ZNG1B: variants seen among roughly 807,000 people sequenced by gnomAD.
The protein encoded by ZNG1B is zinc-regulated GTPase metalloprotein activator 1B.
chr2:113,481,022 GA>G, the ZNG1B span, among the ~76,000 whole-genome samples: 3 of 150,502 alleles, frequency 2.0e-5, no homozygotes, highest in African/African-American at 7.3e-5. Flanking sequence ...GTATGATAGG[GA>G]AAAAATCGAG....
chr2:113,453,139 G>T, the ZNG1B span: 90 of 1,587,326 alleles, frequency 5.7e-5, no homozygotes, highest in Non-Finnish European at 7.4e-5. Flanking sequence ...ATATTTTCAG[G>T]TGCAGTGGCT....
At chr2:113,457,316 A>G in the ZNG1B span, 4 of 352,034 alleles carry the variant, frequency 1.1e-5, no homozygotes, top group African/African-American at 8.8e-5. Flanking sequence ...ATAGACTGAC[A>G]TTATGCAATA....
At chr2:113,450,175 A>G in the ZNG1B span, among the ~76,000 whole-genome samples, 1 of 150,708 alleles carries the variant, frequency 6.6e-6, no homozygotes, top group Non-Finnish European at 1.5e-5. Context: ...TCCCTAAATT[A>G]TAATATGCCC....
the ZNG1B span, among the ~76,000 whole-genome samples, chr2:113,442,831 C>T: frequency 6.6e-6 from 1 of 152,124 alleles, no homozygotes; most frequent in Admixed American, 6.6e-5. Context: ...TTTAGAACTT[C>T]ACCGTTTGGT....
At chr2:113,477,240 G>A in the ZNG1B span, among the ~76,000 whole-genome samples, 4 of 152,126 alleles carry the variant, frequency 2.6e-5, no homozygotes, top group African/African-American at 7.2e-5. Context: ...TTTTAAGCCC[G>A]TCGGAAAAGC....
At chr2:113,457,833 A>G in the ZNG1B span, among the ~76,000 whole-genome samples, 2 of 142,286 alleles carry the variant, frequency 1.4e-5, 1 homozygote, top group East Asian at 5.1e-4. Flanking sequence ...TACAGTCATC[A>G]TGCTGTAATT....
At chr2:113,463,338 A>G in the ZNG1B span, among the ~76,000 whole-genome samples, 6 of 152,124 alleles carry the variant, frequency 3.9e-5, no homozygotes, top group African/African-American at 1.4e-4. Context: ...TTTGAGCGTG[A>G]TGGCTCAAAA....
chr2:113,441,739 T>A, the ZNG1B span: 1 of 177,616 alleles, frequency 5.6e-6, no homozygotes, highest in Non-Finnish European at 1.2e-5. Flanking sequence ...GTTTATTTTT[T>A]ATTTTATTTT....
chr2:113,471,327 G>A, the ZNG1B span, among the ~76,000 whole-genome samples: 48,821 of 151,968 alleles, frequency 0.32, 8,421 homozygotes, highest in East Asian at 0.55. Context: ...GAGGCTAATC[G>A]TTAACACTTC....
At chr2:113,443,343 A>G in the ZNG1B span, among the ~76,000 whole-genome samples, 132 of 152,024 alleles carry the variant, frequency 8.7e-4, no homozygotes, top group African/African-American at 3.1e-3. Flanking sequence ...GAAACAATTT[A>G]GAAGAAGAAT....
the ZNG1B span, chr2:113,445,034 A>T: frequency 1.4e-4 from 233 of 1,610,676 alleles, 1 homozygote; most frequent in South Asian, 7.0e-4. Context: ...ACTGTTAGAG[A>T]CCACTGGATT....
chr2:113,463,515 T>A, the ZNG1B span, among the ~76,000 whole-genome samples: 13 of 152,198 alleles, frequency 8.5e-5, no homozygotes, highest in African/African-American at 3.1e-4. Flanking sequence ...TTTTTCCACA[T>A]ATTTCATCTT....
chr2:113,437,860 T>C, the ZNG1B span: 86 of 1,611,838 alleles, frequency 5.3e-5, no homozygotes, highest in Non-Finnish European at 2.5e-6. Flanking sequence ...GGACGTGCTG[T>C]AGGCCGGAAT....
the ZNG1B span, among the ~76,000 whole-genome samples, chr2:113,449,729 T>C: frequency 6.7e-6 from 1 of 149,864 alleles, no homozygotes; most frequent in South Asian, 2.1e-4. Flanking sequence ...CTTGAAGGAT[T>C]ACTTGGCTAG....
the ZNG1B span, among the ~76,000 whole-genome samples, chr2:113,484,533 T>A: frequency 6.6e-6 from 1 of 152,264 alleles, no homozygotes; most frequent in African/African-American, 2.4e-5. Context: ...CATCAAATGC[T>A]TCATGAGGAT....
At chr2:113,471,761 T>C in the ZNG1B span, among the ~76,000 whole-genome samples, 82,185 of 151,054 alleles carry the variant, frequency 0.54, 22,696 homozygotes, top group Admixed American at 0.58. Flanking sequence ...CGATAGTTTA[T>C]GGAGAATGAT....
At chr2:113,455,681 T>C in the ZNG1B span, 1 of 1,257,930 alleles carries the variant, frequency 7.9e-7, no homozygotes, top group African/African-American at 1.5e-5. Context: ...GTTTAAAAAT[T>C]AGTGTCTGTT....
the ZNG1B span, among the ~76,000 whole-genome samples, chr2:113,492,104 G>A: frequency 7.2e-6 from 1 of 139,196 alleles, no homozygotes; most frequent in Non-Finnish European, 1.6e-5. Context: ...ACTAAAAGTA[G>A]AACTATCATT....
At chr2:113,456,262 T>G in the ZNG1B span, among the ~76,000 whole-genome samples, 46 of 152,278 alleles carry the variant, frequency 3.0e-4, no homozygotes, top group African/African-American at 1.0e-3. Context: ...AATACAGTAT[T>G]ACAGTTTCAC....
Sources: gnomAD v4.1 joint callset for allele counts (sites outside exome capture counted in the v4.1 genomes callset) on GRCh38, gnomAD v4.1.1 for gene constraint, MANE v1.5 for transcripts, NCBI Gene and HGNC (gene_info 2026-07-23, HGNC 2026-07-21) for gene names.